The following AGPAT3 variants were observed in gnomAD, a reference collection of about 807,000 sequenced individuals.
The protein encoded by AGPAT3 is 1-acyl-sn-glycerol-3-phosphate acyltransferase gamma.
AGPAT3 carries 5 observed loss-of-function variants against 47.3 expected under a neutral mutation model. The ratio of observed to expected loss-of-function variants is 0.11; its 90% CI spans 0.06 to 0.22. AGPAT3 has a LOEUF of 0.22. Ranked by LOEUF, AGPAT3 falls within the 10% of genes least tolerant of loss-of-function variation. The pLI is 1.00. For synonymous variants in AGPAT3, 212 were observed against 208.3 expected, an observed-to-expected ratio of 1.02 and a Z score of -0.15; for missense variants, 315 against 493.0, an observed-to-expected ratio of 0.64 and a Z score of 3.42.
chr21:43,950,188 G>A (rs116467431), intron 2 of AGPAT3, among the ~76,000 whole-genome samples: 79 of 152,360 alleles, frequency 5.2e-4, no homozygotes, highest in African/African-American at 1.9e-3. Context: ...GGAGGCCACT[G>A]CAGTCTGCAT....
chr21:43,957,990 A>G (rs1402838211), intron 2 of AGPAT3, among the ~76,000 whole-genome samples: 1 of 152,260 alleles, frequency 6.6e-6, no homozygotes, highest in Admixed American at 6.5e-5. Flanking sequence ...AAACCAGAAC[A>G]GAAATCTTTC....
rs571490855 is a variant in AGPAT3 at position 43,939,231 on chromosome 21, C to T, written c.-48-20403C>T. Reference sequence around the variant, plus strand: ...ATGCACTGGCCGGGCCTCCAGGGGGCGCTCCCTTAGGAACACCCCATCCCC... The same window carrying T: ...ATGCACTGGCCGGGCCTCCAGGGGGTGCTCCCTTAGGAACACCCCATCCCC... On this transcript the variant is annotated intron_variant, in intron 2 of 9. Transcript: ENST00000291572. The surrounding 1 kb of genome is among the most constrained non-coding windows in gnomAD (Gnocchi z 4.4). Among the ~76,000 whole-genome samples, 3 of 152,188 alleles carry T rather than the reference C, an allele frequency of 2.0e-5. No homozygotes were observed. Among genetic ancestry groups the T allele is most frequent in the East Asian group, 1.9e-4 (1 of 5,172 alleles).
chr21:43,956,860 A>G (rs1199112066), intron 2 of AGPAT3, among the ~76,000 whole-genome samples: 1 of 152,184 alleles, frequency 6.6e-6, no homozygotes, highest in African/African-American at 2.4e-5. Context: ...CCAGGCAGAA[A>G]CTGTCCTTTT....
intron 2 of AGPAT3, among the ~76,000 whole-genome samples, chr21:43,915,414 T>TC (rs1487146500): frequency 7.9e-6 from 1 of 127,058 alleles, no homozygotes; most frequent in African/African-American, 3.0e-5. Flanking sequence ...GCTTTTTTTT[T>TC]TTTTTTTTTT....
In AGPAT3 at chr21:43,933,180, G is replaced by C. The variant is rs911233444; in HGVS notation, c.-48-26454G>C. On this transcript the variant is annotated intron_variant, in intron 2 of 9. Transcript: ENST00000291572. The surrounding 1 kb of genome is among the most constrained non-coding windows in gnomAD (Gnocchi z 6.0). ...GGTTAATAATGCCGAACAGCTCTTC[G>C]TTAACCTGCTGGCTGTCGGTGTGGC... Among the ~76,000 whole-genome samples the C allele has an allele frequency of 1.3e-5, 2 of 152,166 alleles. No homozygotes were observed. The highest frequency in any genetic ancestry group is 4.8e-5 in the African/African-American group (2 of 41,428).
intron 2 of AGPAT3, among the ~76,000 whole-genome samples, chr21:43,953,353 G>A (rs2088293524): frequency 6.6e-6 from 1 of 152,224 alleles, no homozygotes; most frequent in Non-Finnish European, 1.5e-5. Context: ...TTTCTTGGGT[G>A]TGCTCATGGT....
chr21:43,963,477 A>T (rs2088974420), intron 3 of AGPAT3, among the ~76,000 whole-genome samples: 1 of 152,178 alleles, frequency 6.6e-6, no homozygotes, highest in Non-Finnish European at 1.5e-5. Context: ...CAGGAAGCTG[A>T]GGCAGGAGGA....
intron 7 of AGPAT3, among the ~76,000 whole-genome samples, chr21:43,977,724 A>G (rs1185622130): frequency 6.6e-6 from 1 of 152,024 alleles, no homozygotes; most frequent in Non-Finnish European, 1.5e-5. Context: ...AAAAAAAAAT[A>G]CAAAGAAAAA....
Position 43,930,449 on chromosome 21 carries a change from G to A in AGPAT3, c.-49+26430G>A, listed in dbSNP as rs1275806785. On this transcript the variant is annotated intron_variant, in intron 2 of 9. Transcript: ENST00000291572. This position sits in a 1 kb window ranked among gnomAD's most constrained non-coding sequence, Gnocchi z 5.0. Reference sequence around the variant, plus strand: ...AGTGTGACCTCAGGGTTGCCCGTGCGACCTCAGCGTGGCCCATGGGACCTC... The same window carrying A: ...AGTGTGACCTCAGGGTTGCCCGTGCAACCTCAGCGTGGCCCATGGGACCTC... Among the ~76,000 whole-genome samples the A allele has an allele frequency of 6.6e-6, 1 of 152,174 alleles. No individual in the cohort carries two copies. The highest frequency in any genetic ancestry group is 2.4e-5 in the African/African-American group (1 of 41,432).
At chr21:43,865,969 C>T (rs982631901) in intron 1 of AGPAT3, among the ~76,000 whole-genome samples, 2 of 152,146 alleles carry the variant, frequency 1.3e-5, no homozygotes, top group South Asian at 4.1e-4. Flanking sequence ...GCGTTTGCAC[C>T]GGGCGGGTCA....
intron 2 of AGPAT3, among the ~76,000 whole-genome samples, chr21:43,919,273 TG>T (rs34121075): frequency 1 from 152,301 of 152,302 alleles, 76,150 homozygotes; most frequent in Non-Finnish European, 1. Context: ...ACCCGAGCAG[TG>T]GTACACTGGA....
At position 43,920,238 on chromosome 21, in the gene AGPAT3, A is replaced by AGT. The variant is rs374245534; in HGVS notation, c.-49+16230_-49+16231dup. On this transcript the variant is annotated intron_variant, in intron 2 of 9. Coordinates refer to ENST00000291572, the MANE Select transcript of AGPAT3 (RefSeq NM_020132.5). The surrounding 1 kb of genome is among the most constrained non-coding windows in gnomAD (Gnocchi z 6.1). ...GTGTGTGTGTGAGAGATTGTGAGTG[A>AGT]GTGTGTGTGTGTAAGGGTGTGTGTA... 6.6e-6 allele frequency among the ~76,000 whole-genome samples: 1 copy of AGT among 151,322 alleles called. No homozygotes were observed. The highest frequency in any genetic ancestry group is 1.5e-5 in the Non-Finnish European group (1 of 67,834).
chr21:43,941,356 C>T (rs1324341878), intron 2 of AGPAT3, among the ~76,000 whole-genome samples: 4 of 152,132 alleles, frequency 2.6e-5, no homozygotes, highest in Non-Finnish European at 5.9e-5. Flanking sequence ...CAGGAGGATG[C>T]CCAGTCTTCC....
At chr21:43,873,523 G>C (rs1413085027) in intron 1 of AGPAT3, among the ~76,000 whole-genome samples, 2 of 152,050 alleles carry the variant, frequency 1.3e-5, no homozygotes, top group South Asian at 4.1e-4. Context: ...GATTACAGGC[G>C]CGCACCACCA....
rs1023036514 is a variant in AGPAT3 at position 43,920,888 on chromosome 21, G to T, written c.-49+16869G>T. On this transcript the variant is annotated intron_variant, in intron 2 of 9. Transcript: ENST00000291572. The surrounding 1 kb of genome is among the most constrained non-coding windows in gnomAD (Gnocchi z 6.1). ...CGCCTGTAATCCCAGCACTTTGGGAGGCTGAGGCGGGCAGATCACGAGGTC... is the reference window on the plus strand; with the variant it reads ...CGCCTGTAATCCCAGCACTTTGGGATGCTGAGGCGGGCAGATCACGAGGTC... Among the ~76,000 whole-genome samples the T allele has an allele frequency of 6.6e-6, 1 of 151,732 alleles. No homozygotes were observed. The highest frequency in any genetic ancestry group is 1.5e-5 in the Non-Finnish European group (1 of 67,930).
intron 1 of AGPAT3, among the ~76,000 whole-genome samples, chr21:43,871,898 A>G (rs1417751847): frequency 6.6e-6 from 1 of 152,140 alleles, no homozygotes; most frequent in Non-Finnish European, 1.5e-5. Context: ...GTTTTAATGT[A>G]ATGTATAATT....
chr21:43,978,257 C>G (rs908650181), intron 8 of AGPAT3, 136 bp downstream of exon 8: 2 of 594,902 alleles, frequency 3.4e-6, no homozygotes, highest in Non-Finnish European at 5.9e-6. Flanking sequence ...TACTCCTGAT[C>G]CTTCTTTCAT....
intron 3 of AGPAT3, 193 bp from the exon 4 acceptor site, chr21:43,967,753 G>T: frequency 1.7e-6 from 1 of 585,084 alleles, no homozygotes. Context: ...CCTTCCATCT[G>T]TCTCCTCCCA....
At chr21:43,977,620 G>A (rs2089666804) in intron 7 of AGPAT3, among the ~76,000 whole-genome samples, 1 of 152,232 alleles carries the variant, frequency 6.6e-6, no homozygotes, top group African/African-American at 2.4e-5. Context: ...GCTCACGCCT[G>A]TAATCCCAGC....
Sources: allele counts gnomAD v4.1 joint callset (sites outside exome capture counted in the v4.1 genomes callset), GRCh38; gene constraint gnomAD v4.1.1; non-coding constraint Gnocchi (gnomAD v3.1); transcripts MANE v1.5; gene names NCBI Gene and HGNC (gene_info 2026-07-23, HGNC 2026-07-21).